GLP2R: variants seen among roughly 807,000 people sequenced by gnomAD.
GLP2R encodes glucagon-like peptide 2 receptor.
GLP2R carries 59 observed loss-of-function variants against 68.2 expected under a neutral mutation model. That is an observed-to-expected ratio of 0.87 (90% CI 0.70 to 1.07). The LOEUF (loss-of-function observed/expected upper bound fraction) is 1.07. Among genes scored for constraint, GLP2R ranks in the 50% least tolerant of loss-of-function variants. The pLI is 0.00. For missense variants in GLP2R, 548 were observed against 677.4 expected (o/e 0.81, Z 2.12); for synonymous variants, 270 against 265.4 (o/e 1.02, Z -0.17).
At chr17:9,859,636 A>AAAAATAT (rs1555571772) in intron 6 of GLP2R, among the ~76,000 whole-genome samples, 5 of 143,090 alleles carry the variant, frequency 3.5e-5, no homozygotes, top group African/African-American at 1.3e-4. Flanking sequence ...ACTAAAAAAA[A>AAAAATAT]ATATATATAT....
intron 9 of GLP2R, chr17:9,866,012 C>T (rs1434854007): frequency 9.2e-6 from 4 of 434,306 alleles, no homozygotes; most frequent in African/African-American, 8.1e-5. Context: ...GGAGCTAAAC[C>T]TGCTGCCCTC....
intron 11 of GLP2R, among the ~76,000 whole-genome samples, chr17:9,882,386 T>C (rs1371219783): frequency 6.6e-6 from 1 of 152,170 alleles, no homozygotes; most frequent in East Asian, 1.9e-4. Flanking sequence ...ACGGGAAGAT[T>C]TGGGGAATGA....
chr17:9,878,835 G>A lies in GLP2R; in HGVS notation c.1146-1543G>A, dbSNP rs1490336996. On this transcript the variant is annotated intron_variant, in intron 10 of 12. Transcript: ENST00000262441. ...AACCTTCCTTAAGAAACTCCCCCAT[G>A]AACTGCGAATGCCACCCTGTTTTTC... 2.0e-5 allele frequency among the ~76,000 whole-genome samples: 3 copies of A among 152,112 alleles called. No homozygotes were observed. The East Asian group carries it at 5.8e-4, about 29-fold the overall frequency.
chr17:9,889,667 A>T lies in GLP2R; in HGVS notation c.1624A>T (p.Asn542Tyr). 6.2e-7 allele frequency: 1 copy of T among 1,600,544 alleles called. No individual in the cohort carries two copies. The highest frequency in any genetic ancestry group is 8.5e-7 in the Non-Finnish European group (1 of 1,171,618). The change falls in exon 13 of 13, where the codon AAC becomes TAC. Residue 542 changes from asparagine (N) to tyrosine (Y), a missense_variant. Coordinates refer to ENST00000262441, the MANE Select transcript of GLP2R (RefSeq NM_004246.3). ...CAGTGAGGGGGATGTCACCATGGCC[A>T]ACACCATGGAGGAGATTCTGGAAGA... Reference protein sequence around the residue: ...ECSEGDVTMANTMEEILEESE... With the variant: ...ECSEGDVTMAYTMEEILEESE...
intron 4 of GLP2R, among the ~76,000 whole-genome samples, chr17:9,842,843 G>A (rs2066800865): frequency 6.6e-6 from 1 of 152,198 alleles, no homozygotes; most frequent in Non-Finnish European, 1.5e-5. Context: ...AGTCTTCCAG[G>A]ATTGATCCTG....
At chr17:9,845,434 C>T (rs1212899481) in intron 4 of GLP2R, among the ~76,000 whole-genome samples, 2 of 152,190 alleles carry the variant, frequency 1.3e-5, no homozygotes, top group Non-Finnish European at 2.9e-5. Flanking sequence ...CACCTAGCCT[C>T]TCTGCAGGCA....
At chr17:9,882,216 C>T (rs2067203531) in intron 11 of GLP2R, among the ~76,000 whole-genome samples, 1 of 152,164 alleles carries the variant, frequency 6.6e-6, no homozygotes, top group South Asian at 2.1e-4. Context: ...GGGAGGCTGA[C>T]TTGATTTGGA....
chr17:9,888,191 AAGCC>A (rs1452669887), intron 12 of GLP2R, among the ~76,000 whole-genome samples: 1 of 152,210 alleles, frequency 6.6e-6, no homozygotes, highest in Non-Finnish European at 1.5e-5. Flanking sequence ...GGGAGTTCAG[AAGCC>A]AGCACTGGCT....
At chr17:9,839,751 C>T (rs2066767641) in intron 3 of GLP2R, among the ~76,000 whole-genome samples, 1 of 152,210 alleles carries the variant, frequency 6.6e-6, no homozygotes, top group East Asian at 1.9e-4. Flanking sequence ...GTTCAGGGTT[C>T]CCTGCACTCC....
At chr17:9,872,805 T>G (rs1384286512) in intron 10 of GLP2R, among the ~76,000 whole-genome samples, 3 of 152,182 alleles carry the variant, frequency 2.0e-5, no homozygotes, top group African/African-American at 7.2e-5. Context: ...ATCTCCTGCT[T>G]ATTATGAGGA....
chr17:9,873,002 A>G (rs1444093972), intron 10 of GLP2R, among the ~76,000 whole-genome samples: 2 of 152,188 alleles, frequency 1.3e-5, no homozygotes, highest in African/African-American at 4.8e-5. Flanking sequence ...CCTGGGCTCC[A>G]GGGAGCCACG....
chr17:9,852,678 G>A, intron 4 of GLP2R: 1 of 214,274 alleles, frequency 4.7e-6, no homozygotes, highest in Admixed American at 5.4e-5. Flanking sequence ...TAATCTTGGT[G>A]TTGATGGTTT....
chr17:9,831,039 A>AGACC (rs2066675285), intron 1 of GLP2R, among the ~76,000 whole-genome samples: 1 of 152,198 alleles, frequency 6.6e-6, no homozygotes, highest in Non-Finnish European at 1.5e-5. Context: ...CTGAGTCAAT[A>AGACC]AGTTTGGGAA....
Position 9,875,421 on chromosome 17 carries a change from G to C in GLP2R, c.1145+4586G>C, listed in dbSNP as rs536815834. On this transcript the variant is annotated intron_variant, in intron 10 of 12. Transcript: ENST00000262441. The stretch of plus-strand genomic sequence containing the variant: ...TTTTATCCAAACTCTTGTAGGTACA[G>C]GCTGCCTCCAATTCTTGAAGATTTT... Among the ~76,000 whole-genome samples, 3 of 152,302 alleles carry C rather than the reference G, an allele frequency of 2.0e-5. No homozygotes were observed. In the South Asian group the frequency reaches 6.2e-4, roughly 32 times the overall value.
rs537063854 is a variant in GLP2R at position 9,857,278 on chromosome 17, G to A, written c.612-145G>A. 9.6e-5 allele frequency: 66 copies of A among 687,762 alleles called. No individual in the cohort carries two copies. The East Asian group carries it at 1.3e-3, about 14-fold the overall frequency. 42.6% of individuals were successfully genotyped at this position (687,762 alleles called of 1,614,324 possible). ...ACGAAACTGAGGCACAGAGATTTAC[G>A]GTCACATAATCCAGCAGTCCAGCTC... is the stretch of plus-strand genomic sequence containing the variant. On this transcript the variant is annotated intron_variant, in intron 5 of 12. Transcript: ENST00000262441.
chr17:9,866,034 A>G, intron 9 of GLP2R: 1 of 412,996 alleles, frequency 2.4e-6, no homozygotes, highest in South Asian at 1.9e-5. Context: ...CAATCTGCAC[A>G]GCTCTAGGAT....
chr17:9,891,942 G>A lies in GLP2R; in HGVS notation c.*2237G>A, dbSNP rs2067294652. 6.6e-6 allele frequency: 1 copy of A among 152,200 alleles called. No individual in the cohort carries two copies. The highest frequency in any genetic ancestry group is 6.5e-5 in the Admixed American group (1 of 15,284). 9.4% of individuals were successfully genotyped at this position (152,200 alleles called of 1,614,324 possible). A position where few individuals can be genotyped will look rare whatever the true frequency, so the allele number is the denominator to read the frequency against. On this transcript the variant is annotated 3_prime_UTR_variant, in exon 13 of 13. Coordinates refer to ENST00000262441, the MANE Select transcript of GLP2R (RefSeq NM_004246.3). ...GAAATGGCTCTCGGGAGCCTCGGAT[G>A]CTGCTGGGAGTAAGTGATCCAGGAC...
intron 4 of GLP2R, among the ~76,000 whole-genome samples, chr17:9,847,819 C>T (rs1394685979): frequency 1.3e-5 from 2 of 152,024 alleles, no homozygotes; most frequent in African/African-American, 2.4e-5. Context: ...TTCAGAGCCT[C>T]GTGGGTGTTG....
intron 11 of GLP2R, among the ~76,000 whole-genome samples, chr17:9,884,994 G>A (rs367746732): frequency 3.3e-5 from 5 of 151,964 alleles, no homozygotes; most frequent in African/African-American, 7.3e-5. Context: ...CCCAAGGCCC[G>A]GTAAAGACAA....
Sources: allele counts gnomAD v4.1 joint callset (sites outside exome capture counted in the v4.1 genomes callset), GRCh38; gene constraint gnomAD v4.1.1; transcripts MANE v1.5; gene names NCBI Gene and HGNC (gene_info 2026-07-23, HGNC 2026-07-21).